The following CLNK variants were observed in gnomAD, a reference collection of about 807,000 sequenced individuals.
CLNK encodes cytokine dependent hematopoietic cell linker.
Under a neutral mutation model 68.6 loss-of-function variants are expected in CLNK, and 74 were observed. The ratio of observed to expected loss-of-function variants is 1.08; its 90% CI spans 0.89 to 1.31. The LOEUF (loss-of-function observed/expected upper bound fraction) is 1.31, where lower values mean the gene tolerates loss of function less well. Among genes scored for constraint, CLNK ranks in the 50% most tolerant of loss-of-function variants. The probability of loss-of-function intolerance (pLI) is 0.00; values close to 1 mark genes in which losing one functional copy is unlikely to be tolerated. For missense variants in CLNK, 553 were observed against 515.3 expected (o/e 1.07, Z -0.71); for synonymous variants, 198 against 172.2 (o/e 1.15, Z -1.17).
chr4:10,500,047 C>A (rs1175598039), intron 18 of CLNK, among the ~76,000 whole-genome samples: 2 of 151,998 alleles, frequency 1.3e-5, no homozygotes, highest in African/African-American at 4.8e-5. Flanking sequence ...CAATGCACAC[C>A]CCCAGATAAA....
intron 2 of CLNK, among the ~76,000 whole-genome samples, chr4:10,605,935 G>A (rs1721772383): frequency 6.6e-6 from 1 of 152,072 alleles, no homozygotes; most frequent in African/African-American, 2.4e-5. Flanking sequence ...TGCTCTGGGT[G>A]AGTCAGTGAG....
chr4:10,571,326 CTTTTTTTTTTT>C (rs60429766), intron 5 of CLNK, among the ~76,000 whole-genome samples: 1 of 64,600 alleles, frequency 1.5e-5, no homozygotes, highest in African/African-American at 6.3e-5. Flanking sequence ...GTTGCTGTTG[CTTTTTTTTTTT>C]TTTTTTTTTT....
At chr4:10,525,324 C>CA (rs1718264254) in intron 14 of CLNK, among the ~76,000 whole-genome samples, 1 of 152,202 alleles carries the variant, frequency 6.6e-6, no homozygotes, top group African/African-American at 2.4e-5. Flanking sequence ...CTCGGCCTCC[C>CA]AAAGTGCTGG....
chr4:10,664,179 A>T (rs190414642), intron 2 of CLNK, among the ~76,000 whole-genome samples: 5 of 152,178 alleles, frequency 3.3e-5, no homozygotes, highest in African/African-American at 9.7e-5. Flanking sequence ...ATTATGAGAC[A>T]TTATTCCACA....
At chr4:10,715,498 T>C in the CLNK span, among the ~76,000 whole-genome samples, 1 of 152,332 alleles carries the variant, frequency 6.6e-6, no homozygotes, top group South Asian at 2.1e-4. Flanking sequence ...TTCAAAATAA[T>C]AGGATCTGTA....
intron 7 of CLNK, among the ~76,000 whole-genome samples, chr4:10,561,715 C>A (rs1415810824): frequency 6.6e-6 from 1 of 152,190 alleles, no homozygotes; most frequent in Non-Finnish European, 1.5e-5. Context: ...TCTCAGACAG[C>A]CCCTGGGGGA....
upstream of CLNK, among the ~76,000 whole-genome samples, chr4:10,689,654 A>G (rs1725391420): frequency 6.6e-6 from 1 of 151,828 alleles, no homozygotes; most frequent in African/African-American, 2.4e-5. Context: ...ACAAAACAGA[A>G]CTATTGAACA....
intron 8 of CLNK, among the ~76,000 whole-genome samples, chr4:10,553,484 C>G (rs1719543094): frequency 1.3e-5 from 2 of 151,640 alleles, no homozygotes. Context: ...CAGAGTCTTG[C>G]TCTGTCACCC....
chr4:10,495,750 G>T (rs1371636966), intron 18 of CLNK, among the ~76,000 whole-genome samples: 1 of 152,134 alleles, frequency 6.6e-6, no homozygotes, highest in Non-Finnish European at 1.5e-5. Flanking sequence ...AGGAGCAGTG[G>T]AAGATTTTGA....
the CLNK span, among the ~76,000 whole-genome samples, chr4:10,698,479 T>A: frequency 6.6e-6 from 1 of 152,174 alleles, no homozygotes; most frequent in Non-Finnish European, 1.5e-5. Flanking sequence ...ACAATATATA[T>A]AAAACAGGTT....
intron 17 of CLNK, among the ~76,000 whole-genome samples, chr4:10,507,736 C>G (rs1360109754): frequency 1.3e-5 from 2 of 152,096 alleles, no homozygotes; most frequent in Non-Finnish European, 2.9e-5. Context: ...CCTACCTCGG[C>G]CTCCCAAGGT....
intron 5 of CLNK, among the ~76,000 whole-genome samples, chr4:10,568,259 G>A (rs532431525): frequency 2.8e-4 from 42 of 152,192 alleles, no homozygotes; most frequent in African/African-American, 9.2e-4. Flanking sequence ...ATAATATTAC[G>A]TTAAATGAAA....
chr4:10,648,634 C>A (rs1356361449), intron 2 of CLNK, among the ~76,000 whole-genome samples: 1 of 152,062 alleles, frequency 6.6e-6, no homozygotes, highest in Non-Finnish European at 1.5e-5. Flanking sequence ...ATGAAGAAAT[C>A]CAAGGCTTAC....
At chr4:10,624,479 A>T (rs1205232423) in intron 2 of CLNK, among the ~76,000 whole-genome samples, 3 of 151,706 alleles carry the variant, frequency 2.0e-5, no homozygotes, top group African/African-American at 7.3e-5. Flanking sequence ...TTTTTAATAG[A>T]GACGGGGTTT....
chr4:10,677,520 T>C (rs764855670), intron 1 of CLNK, among the ~76,000 whole-genome samples: 1 of 152,114 alleles, frequency 6.6e-6, no homozygotes, highest in Non-Finnish European at 1.5e-5. Context: ...TCTCGATTTG[T>C]AATCCCCAGG....
intron 16 of CLNK, among the ~76,000 whole-genome samples, chr4:10,508,589 GACTA>G (rs1471526712): frequency 6.6e-6 from 1 of 152,132 alleles, no homozygotes; most frequent in African/African-American, 2.4e-5. Flanking sequence ...ATAAAATCCA[GACTA>G]ACTGGGAGAA....
At chr4:10,630,515 T>C (rs1350792784) in intron 2 of CLNK, among the ~76,000 whole-genome samples, 1 of 152,208 alleles carries the variant, frequency 6.6e-6, no homozygotes, top group African/African-American at 2.4e-5. Flanking sequence ...TCAAAAATTT[T>C]GGAGCCACTG....
intron 17 of CLNK, among the ~76,000 whole-genome samples, 167 bp downstream of exon 17, chr4:10,507,792 C>A (rs932724903): frequency 6.6e-6 from 1 of 152,136 alleles, no homozygotes; most frequent in Non-Finnish European, 1.5e-5. Context: ...TGAAACTCTC[C>A]ATGTTAAATG....
At chr4:10,733,101 A>G in the CLNK span, among the ~76,000 whole-genome samples, 1 of 152,114 alleles carries the variant, frequency 6.6e-6, no homozygotes, top group South Asian at 2.1e-4. Flanking sequence ...ATAGCTGTCA[A>G]TTATGGCATT....
Sources: allele counts gnomAD v4.1 joint callset (sites outside exome capture counted in the v4.1 genomes callset), GRCh38; gene constraint gnomAD v4.1.1; transcripts MANE v1.5; gene names NCBI Gene and HGNC (gene_info 2026-07-23, HGNC 2026-07-21).